Variants in WWOX observed in about 807,000 individuals in gnomAD.
WWOX encodes WW domain containing oxidoreductase.
WWOX carries 69 observed loss-of-function variants against 46.2 expected under a neutral mutation model. The observed-to-expected ratio is 1.49, with a 90% CI of 1.23 to 1.82. The LOEUF is 1.82. Ranked by LOEUF, WWOX falls within the 40% of genes most tolerant of loss-of-function variation. WWOX has a pLI of 0.00. For missense variants in WWOX, 919 were observed against 542.6 expected (o/e 1.69, Z -6.89); for synonymous variants, 359 against 202.6 (o/e 1.77, Z -6.56).
At chr16:79,023,265 C>T (rs1007515272) in intron 8 of WWOX, among the ~76,000 whole-genome samples, 1 of 152,168 alleles carries the variant, frequency 6.6e-6, no homozygotes, top group African/African-American at 2.4e-5. Context: ...ACTGTTCTCC[C>T]TTTGCATTTA....
intron 8 of WWOX, among the ~76,000 whole-genome samples, chr16:78,834,349 C>T (rs939046996): frequency 1.6e-4 from 25 of 152,112 alleles, no homozygotes; most frequent in African/African-American, 3.9e-4. Flanking sequence ...AAGTGAGCTA[C>T]GGGAAAGTTT....
At chr16:79,084,960 C>A (rs1384071901) in intron 8 of WWOX, among the ~76,000 whole-genome samples, 1 of 152,088 alleles carries the variant, frequency 6.6e-6, no homozygotes, top group Non-Finnish European at 1.5e-5. Context: ...ACACAGTTGT[C>A]TGTCTCCCAG....
intron 8 of WWOX, among the ~76,000 whole-genome samples, chr16:78,865,068 A>T (rs1426797706): frequency 6.6e-6 from 1 of 151,954 alleles, no homozygotes; most frequent in Non-Finnish European, 1.5e-5. Flanking sequence ...TGGCTTTCAA[A>T]TTCCATTTTT....
At chr16:78,545,315 G>GT (rs1450636757) in intron 8 of WWOX, among the ~76,000 whole-genome samples, 1 of 152,138 alleles carries the variant, frequency 6.6e-6, no homozygotes, top group Non-Finnish European at 1.5e-5. Context: ...ATGGTTACCT[G>GT]CAGGGCGATT....
chr16:78,411,677 C>T (rs1394906004), intron 6 of WWOX, among the ~76,000 whole-genome samples: 1 of 152,196 alleles, frequency 6.6e-6, no homozygotes, highest in African/African-American at 2.4e-5. Flanking sequence ...ATAAGTTTAA[C>T]TAGGCTTTAA....
At chr16:78,773,279 C>G (rs773869465) in intron 8 of WWOX, among the ~76,000 whole-genome samples, 4 of 152,160 alleles carry the variant, frequency 2.6e-5, no homozygotes, top group Non-Finnish European at 5.9e-5. Context: ...GTTCCTTCTA[C>G]TACAACTTCT....
At chr16:78,927,283 G>A (rs908321097) in intron 8 of WWOX, among the ~76,000 whole-genome samples, 2 of 152,146 alleles carry the variant, frequency 1.3e-5, no homozygotes, top group East Asian at 1.9e-4. Flanking sequence ...ACATGACACC[G>A]GCCTCCAGCA....
intron 8 of WWOX, among the ~76,000 whole-genome samples, chr16:78,681,860 C>G (rs2047737610): frequency 6.6e-6 from 1 of 152,188 alleles, no homozygotes. Context: ...CGCTGGAGAG[C>G]TGGTTAGAAA....
chr16:78,616,013 G>T (rs1017197633), intron 8 of WWOX, among the ~76,000 whole-genome samples: 1 of 152,138 alleles, frequency 6.6e-6, no homozygotes, highest in African/African-American at 2.4e-5. Flanking sequence ...GCCTCCCAAA[G>T]TGCTGGGATT....
intron 8 of WWOX, among the ~76,000 whole-genome samples, chr16:78,641,221 A>G (rs574064212): frequency 6.6e-6 from 1 of 152,046 alleles, no homozygotes; most frequent in Non-Finnish European, 1.5e-5. Flanking sequence ...TTCAGGTCTA[A>G]GTTTCCCCCA....
At chr16:78,277,057 C>T (rs1325674379) in intron 5 of WWOX, among the ~76,000 whole-genome samples, 3 of 152,140 alleles carry the variant, frequency 2.0e-5, no homozygotes, top group African/African-American at 7.2e-5. Flanking sequence ...TTGTTAAATT[C>T]GGTGTGGTCA....
intron 4 of WWOX, among the ~76,000 whole-genome samples, chr16:78,142,930 G>A (rs1218735606): frequency 6.6e-6 from 1 of 152,126 alleles, no homozygotes; most frequent in South Asian, 2.1e-4. Flanking sequence ...CATTTTGTTG[G>A]ACTGGAAACA....
intron 8 of WWOX, among the ~76,000 whole-genome samples, chr16:78,644,106 C>T: frequency 6.6e-6 from 1 of 151,986 alleles, no homozygotes; most frequent in East Asian, 1.9e-4. Context: ...CCTGTAATCC[C>T]AGCTACTCAG....
intron 6 of WWOX, among the ~76,000 whole-genome samples, chr16:78,422,788 CACACACATATATAT>C (rs1359442535): frequency 1.7e-5 from 2 of 121,014 alleles, no homozygotes; most frequent in African/African-American, 9.4e-5. Flanking sequence ...TATATATACA[CACACACATATATAT>C]ACACACACAT....
At position 78,532,357 on chromosome 16, in the gene WWOX, G is replaced by C. The variant is rs1354015419; in HGVS notation, c.1056+99605G>C. Among the ~76,000 whole-genome samples the C allele has an allele frequency of 2.6e-5, 4 of 152,076 alleles. No individual in the cohort carries two copies. In the East Asian group the frequency reaches 7.7e-4, roughly 29 times the overall value. Reference sequence around the variant, plus strand: ...GTCTCTTACTTGCTTTGTGGCTTTAGACCAGCCACCCACTCAGAGCCTTGA... The same window carrying C: ...GTCTCTTACTTGCTTTGTGGCTTTACACCAGCCACCCACTCAGAGCCTTGA... On this transcript the variant is annotated intron_variant, in intron 8 of 8. Coordinates refer to ENST00000566780, the MANE Select transcript of WWOX (RefSeq NM_016373.4).
intron 8 of WWOX, among the ~76,000 whole-genome samples, chr16:79,082,741 C>G (rs1237732300): frequency 6.6e-6 from 1 of 152,146 alleles, no homozygotes; most frequent in Non-Finnish European, 1.5e-5. Flanking sequence ...TCATGTGATG[C>G]AAACTTTTGA....
At chr16:78,273,627 G>A (rs977152995) in intron 5 of WWOX, among the ~76,000 whole-genome samples, 10 of 152,144 alleles carry the variant, frequency 6.6e-5, no homozygotes, top group African/African-American at 1.4e-4. Context: ...AGTCACCCAG[G>A]CACGAAATGA....
intron 8 of WWOX, among the ~76,000 whole-genome samples, chr16:79,164,914 AG>A (rs1196990857): frequency 6.6e-6 from 1 of 152,138 alleles, no homozygotes. Flanking sequence ...CACAGAGAAG[AG>A]GCAAAGTGTG....
intron 8 of WWOX, among the ~76,000 whole-genome samples, chr16:79,127,963 C>G (rs1033307294): frequency 6.6e-6 from 1 of 152,092 alleles, no homozygotes; most frequent in Non-Finnish European, 1.5e-5. Flanking sequence ...TACGCAAAGG[C>G]CTGGTCTGAT....
Sources: gnomAD v4.1 joint callset for allele counts (sites outside exome capture counted in the v4.1 genomes callset) on GRCh38, gnomAD v4.1.1 for gene constraint, MANE v1.5 for transcripts, NCBI Gene and HGNC (gene_info 2026-07-23, HGNC 2026-07-21) for gene names.